The following KLF17 variants were observed in gnomAD, a reference collection of about 807,000 sequenced individuals.
KLF17 encodes KLF transcription factor 17, also known as Krueppel-like factor 17.
A neutral mutation model predicts 34.2 loss-of-function variants in KLF17; 31 were observed. The observed-to-expected ratio is 0.91, with a 90% CI of 0.68 to 1.22. The LOEUF (loss-of-function observed/expected upper bound fraction) is 1.22. Among genes scored for constraint, KLF17 ranks in the 50% most tolerant of loss-of-function variants. KLF17 has a pLI of 0.00. For missense variants in KLF17, 478 were observed against 505.2 expected (o/e 0.95, Z 0.52); for synonymous variants, 179 against 186.7 (o/e 0.96, Z 0.34).
the KLF17 span, among the ~76,000 whole-genome samples, chr1:44,070,342 C>G: frequency 1.3e-5 from 2 of 152,056 alleles, no homozygotes; most frequent in African/African-American, 2.4e-5. Flanking sequence ...CATCCACCCC[C>G]CTCCACCCTC....
At chr1:44,116,423 T>C (rs941162907), upstream of KLF17, among the ~76,000 whole-genome samples, 4 of 152,252 alleles carry the variant, frequency 2.6e-5, no homozygotes, top group Non-Finnish European at 5.9e-5. Flanking sequence ...GCTCTTATAA[T>C]TGAGCCCTCT....
chr1:44,080,444 T>C, the KLF17 span, among the ~76,000 whole-genome samples: 1 of 151,626 alleles, frequency 6.6e-6, no homozygotes, highest in Non-Finnish European at 1.5e-5. Flanking sequence ...TTCACCATGT[T>C]AGCCAGTATG....
At chr1:44,090,459 A>G in the KLF17 span, among the ~76,000 whole-genome samples, 2 of 152,128 alleles carry the variant, frequency 1.3e-5, no homozygotes, top group Non-Finnish European at 2.9e-5. Context: ...TAGAAAAAAT[A>G]AACACCAAAT....
the KLF17 span, among the ~76,000 whole-genome samples, chr1:44,110,197 G>A: frequency 6.6e-6 from 1 of 152,052 alleles, no homozygotes; most frequent in Non-Finnish European, 1.5e-5. Flanking sequence ...GTGGGCCACT[G>A]GGCCTGGCCT....
At chr1:44,119,619 T>A (rs1040041120) in intron 1 of KLF17, among the ~76,000 whole-genome samples, 11 of 152,030 alleles carry the variant, frequency 7.2e-5, no homozygotes, top group Non-Finnish European at 1.5e-4. Context: ...TTGACCCGAT[T>A]TGGGAGGCTT....
At chr1:44,058,284 TTTTTTGTTTTTG>T in the KLF17 span, among the ~76,000 whole-genome samples, 104 of 152,264 alleles carry the variant, frequency 6.8e-4, no homozygotes, top group African/African-American at 2.4e-3. Context: ...CCATCGCCTT[TTTTTTGTTTTTG>T]TTTTTGTTTT....
chr1:44,103,839 T>A, the KLF17 span: 5 of 794,580 alleles, frequency 6.3e-6, no homozygotes, highest in African/African-American at 8.4e-5. Context: ...CCCACTGATG[T>A]TCCAGTTTAT....
the KLF17 span, chr1:44,110,741 G>GA: frequency 1.3e-5 from 2 of 152,024 alleles, no homozygotes; most frequent in African/African-American, 4.8e-5. Context: ...GCTAAAGAAG[G>GA]AAAAAAAGTT....
the KLF17 span, among the ~76,000 whole-genome samples, chr1:44,077,355 T>TAAAAAAG: frequency 2.0e-5 from 3 of 151,344 alleles, no homozygotes; most frequent in African/African-American, 7.3e-5. Context: ...AAAAAATAAA[T>TAAAAAAG]AAAAAAGAAA....
the KLF17 span, among the ~76,000 whole-genome samples, chr1:44,049,763 G>C: frequency 6.6e-6 from 1 of 152,212 alleles, no homozygotes; most frequent in Non-Finnish European, 1.5e-5. Context: ...AATTACCAGC[G>C]TGAGCCGCCG....
Position 44,130,049 on chromosome 1 carries a change from C to T in KLF17, c.778C>T (p.Gln260Ter). The T allele has an allele frequency of 1.2e-6, 2 of 1,614,230 alleles. No individual in the cohort carries two copies. Among genetic ancestry groups the T allele is most frequent in the South Asian group, 2.2e-5 (2 of 91,082 alleles). Reference protein sequence around the residue: ...FLPEQPGPAPQTVEKNSRPQE... With the variant: ...FLPEQPGPAP ...ACCAGAGCAGCCCGGACCTGCTCCA[C>T]AGACAGTAGAGAAGAACTCCAGGCC... The change falls in exon 2 of 4, where the codon CAG (glutamine) becomes TAG (stop). Residue 260 changes from glutamine (Q) to a stop codon, truncating the protein, a stop_gained. Coordinates refer to ENST00000372299, the MANE Select transcript of KLF17 (RefSeq NM_173484.4). LOFTEE classifies it high-confidence loss of function.
At chr1:44,095,103 G>C in the KLF17 span, among the ~76,000 whole-genome samples, 21 of 149,904 alleles carry the variant, frequency 1.4e-4, no homozygotes, top group Non-Finnish European at 1.9e-4. Context: ...GGGTTTCACT[G>C]TGTTAGCCAG....
At chr1:44,122,504 G>A (rs550762971) in intron 1 of KLF17, 13 of 991,096 alleles carry the variant, frequency 1.3e-5, no homozygotes, top group Middle Eastern at 2.1e-4. Context: ...AAAATCTCAC[G>A]AGCTTCATCC....
intron 1 of KLF17, chr1:44,122,202 C>T: frequency 1.2e-6 from 2 of 1,602,958 alleles, no homozygotes; most frequent in Admixed American, 3.3e-5. Flanking sequence ...TCCTCTTCCT[C>T]TTCCTCTGCC....
intron 1 of KLF17, among the ~76,000 whole-genome samples, chr1:44,123,654 G>A (rs1188732079): frequency 6.6e-6 from 1 of 152,030 alleles, no homozygotes; most frequent in Non-Finnish European, 1.5e-5. Flanking sequence ...ATAAAGTTAG[G>A]TTGTTGGTTT....
intron 1 of KLF17, among the ~76,000 whole-genome samples, 160 bp from the exon 2 acceptor site, chr1:44,129,193 C>T (rs566647523): frequency 6.6e-6 from 1 of 152,020 alleles, no homozygotes; most frequent in Non-Finnish European, 1.5e-5. Context: ...TCAGCCAGAC[C>T]GCATGTTAGA....
the KLF17 span, chr1:44,076,843 GC>G: frequency 4.7e-5 from 7 of 149,340 alleles, no homozygotes; most frequent in Non-Finnish European, 8.9e-5. Flanking sequence ...TCCCATCTCG[GC>G]CTCCCAAGTA....
chr1:44,069,512 G>GAGAGAGAGAGAGAGAGAGGGA, the KLF17 span, among the ~76,000 whole-genome samples: 1 of 114,548 alleles, frequency 8.7e-6, no homozygotes, highest in African/African-American at 4.1e-5. This position sits in a 1 kb window ranked among gnomAD's most constrained non-coding sequence, Gnocchi z 4.7. Flanking sequence ...GAGAGAGAGA[G>GAGAGAGAGAGAGAGAGAGGGA]AAGACAGGAG....
At chr1:44,065,409 T>G in the KLF17 span, among the ~76,000 whole-genome samples, 1 of 143,688 alleles carries the variant, frequency 7.0e-6, no homozygotes, top group Non-Finnish European at 1.5e-5. Context: ...TCCTTGGTTT[T>G]TTTTTTTTTT....
Sources: gnomAD v4.1 joint callset for allele counts (sites outside exome capture counted in the v4.1 genomes callset) on GRCh38, gnomAD v4.1.1 for gene constraint, Gnocchi (gnomAD v3.1) non-coding constraint, MANE v1.5 for transcripts, NCBI Gene and HGNC (gene_info 2026-07-23, HGNC 2026-07-21) for gene names.